The following PARP15 variants were observed in gnomAD, a reference collection of about 807,000 sequenced individuals.
The protein encoded by PARP15 is protein mono-ADP-ribosyltransferase PARP15.
In PARP15, 50 loss-of-function variants were observed where a neutral mutation model predicts 62.1. The observed-to-expected ratio is 0.81, with a 90% CI of 0.64 to 1.02. The LOEUF (loss-of-function observed/expected upper bound fraction) is 1.02, where lower values mean the gene tolerates loss of function less well. Among genes scored for constraint, PARP15 ranks in the 50% least tolerant of loss-of-function variants. The probability of loss-of-function intolerance (pLI) is 0.00; values close to 1 mark genes in which losing one functional copy is unlikely to be tolerated. For missense variants in PARP15, 820 were observed against 826.5 expected (o/e 0.99, Z 0.10); for synonymous variants, 309 against 293.1 (o/e 1.05, Z -0.55).
chr3:122,617,700 A>G (rs948497582), intron 6 of PARP15, among the ~76,000 whole-genome samples: 5 of 152,098 alleles, frequency 3.3e-5, no homozygotes, highest in Non-Finnish European at 7.4e-5. Context: ...TCATATGTCT[A>G]TTAATTTATA....
intron 2 of PARP15, among the ~76,000 whole-genome samples, chr3:122,608,410 T>G (rs1051901032): frequency 6.6e-6 from 1 of 152,066 alleles, no homozygotes; most frequent in Admixed American, 6.5e-5. Flanking sequence ...GAGACCGGGT[T>G]TTGCCATGTT....
At chr3:122,595,220 A>G (rs1934238937) in intron 1 of PARP15, among the ~76,000 whole-genome samples, 1 of 152,164 alleles carries the variant, frequency 6.6e-6, no homozygotes, top group South Asian at 2.1e-4. Flanking sequence ...CCCAATTTCC[A>G]CATAGCTACT....
chr3:122,593,779 C>T (rs1934132392), intron 1 of PARP15, among the ~76,000 whole-genome samples: 1 of 151,938 alleles, frequency 6.6e-6, no homozygotes, highest in South Asian at 2.1e-4. Flanking sequence ...TACAAAATCA[C>T]AAGTATATAT....
chr3:122,579,965 C>G (rs6438748), intron 1 of PARP15, among the ~76,000 whole-genome samples: 53,725 of 129,180 alleles, frequency 0.42, 10,801 homozygotes, highest in Admixed American at 0.53. Context: ...GGTGACAGAG[C>G]AAGACTCTGT....
At chr3:122,598,248 A>G (rs1192926650) in intron 1 of PARP15, among the ~76,000 whole-genome samples, 1 of 152,228 alleles carries the variant, frequency 6.6e-6, no homozygotes, top group Non-Finnish European at 1.5e-5. Context: ...TTCTATTGCT[A>G]CATAACAAAT....
intron 5 of PARP15, 75 bp from the exon 6 acceptor site, chr3:122,616,940 A>G (rs1936013706): frequency 6.7e-7 from 1 of 1,492,376 alleles, no homozygotes; most frequent in South Asian, 1.3e-5. Context: ...TGGGAAGAGA[A>G]TAGGGCCCCA....
At chr3:122,607,897 A>T (rs1462980985) in intron 2 of PARP15, among the ~76,000 whole-genome samples, 1 of 152,148 alleles carries the variant, frequency 6.6e-6, no homozygotes, top group Non-Finnish European at 1.5e-5. Flanking sequence ...TTCGGTACAC[A>T]CCACTCCCAA....
chr3:122,612,155 A>G (rs564245114), intron 3 of PARP15, among the ~76,000 whole-genome samples: 1 of 151,910 alleles, frequency 6.6e-6, no homozygotes, highest in Non-Finnish European at 1.5e-5. Context: ...TCCTGGGCTC[A>G]GGTGATCCTC....
chr3:122,623,347 G>A (rs1469468276), intron 8 of PARP15, among the ~76,000 whole-genome samples: 1 of 152,136 alleles, frequency 6.6e-6, no homozygotes, highest in Non-Finnish European at 1.5e-5. Context: ...CATGATTTTG[G>A]AACAGATGCA....
intron 4 of PARP15, chr3:122,615,477 G>A: frequency 8.2e-7 from 1 of 1,221,188 alleles, no homozygotes; most frequent in Non-Finnish European, 1.1e-6. Context: ...AAAAGAGGAG[G>A]GATAACGATA....
chr3:122,613,798 C>T (rs1013533009), intron 4 of PARP15, among the ~76,000 whole-genome samples: 1 of 150,812 alleles, frequency 6.6e-6, no homozygotes, highest in East Asian at 1.9e-4. Flanking sequence ...GGGTGACATA[C>T]CTCTCTGAAT....
chr3:122,619,728 A>G (rs192326062), intron 6 of PARP15, 53 bp from the exon 7 acceptor site: 11 of 1,438,770 alleles, frequency 7.6e-6, no homozygotes, highest in Admixed American at 1.7e-5. Context: ...AAAAACTATA[A>G]CCACTTATTG....
chr3:122,600,030 T>G (rs1194251828), intron 1 of PARP15, among the ~76,000 whole-genome samples: 1 of 152,226 alleles, frequency 6.6e-6, no homozygotes, highest in East Asian at 1.9e-4. Flanking sequence ...CACAAGTTAC[T>G]AATTTGGTGA....
intron 1 of PARP15, among the ~76,000 whole-genome samples, chr3:122,585,441 G>C (rs6779188): frequency 0.37 from 56,455 of 152,002 alleles, 10,917 homozygotes; most frequent in Admixed American, 0.46. Flanking sequence ...GTAGTGCTAA[G>C]AGACATGATC....
chr3:122,584,574 C>CTTTT (rs1295988177), intron 1 of PARP15, among the ~76,000 whole-genome samples: 7 of 136,644 alleles, frequency 5.1e-5, no homozygotes, highest in African/African-American at 1.9e-4. Context: ...CATTTCTTTC[C>CTTTT]TTTTTTTTTT....
At chr3:122,614,874 C>G (rs183783939) in intron 4 of PARP15, among the ~76,000 whole-genome samples, 1,960 of 151,696 alleles carry the variant, frequency 0.013, 20 homozygotes, top group South Asian at 0.027. Flanking sequence ...ACAAAAAATA[C>G]AAAAAATTAG....
In PARP15 at chr3:122,595,379, T is replaced by A. The variant is rs1934256305; in HGVS notation, c.187-10557T>A. Among the ~76,000 whole-genome samples the A allele has an allele frequency of 4.6e-5, 7 of 152,118 alleles. No individual in the cohort carries two copies. In the South Asian group the frequency reaches 1.5e-3, roughly 32 times the overall value. On this transcript the variant is annotated intron_variant, in intron 1 of 11. Transcript: ENST00000464300. The stretch of plus-strand genomic sequence containing the variant: ...TCCACCAAAGCTGTTCTTGTCAAAG[T>A]CACAAATGATCTCCACTTTGCTGGA...
chr3:122,609,631 G>A (rs1417657293), intron 2 of PARP15, among the ~76,000 whole-genome samples: 12 of 151,598 alleles, frequency 7.9e-5, no homozygotes, highest in Admixed American at 5.3e-4. Context: ...CTGGGAGGCA[G>A]AGGGTGCAGT....
At chr3:122,613,321 TCAG>T (rs1225176285) in intron 4 of PARP15, 53 bp downstream of exon 4, 6 of 1,393,672 alleles carry the variant, frequency 4.3e-6, no homozygotes, top group Non-Finnish European at 6.0e-6. Context: ...CCAAGCGCAT[TCAG>T]ATGTTTTTAT....
Sources: allele counts gnomAD v4.1 joint callset (sites outside exome capture counted in the v4.1 genomes callset), GRCh38; gene constraint gnomAD v4.1.1; transcripts MANE v1.5; gene names NCBI Gene and HGNC (gene_info 2026-07-23, HGNC 2026-07-21).